Variants in HTR3B observed in about 807,000 individuals in gnomAD.
HTR3B encodes the protein 5-hydroxytryptamine receptor 3B.
Under a neutral mutation model 42.8 loss-of-function variants are expected in HTR3B, and 44 were observed. The ratio of observed to expected loss-of-function variants is 1.03; its 90% CI spans 0.81 to 1.32. The LOEUF (loss-of-function observed/expected upper bound fraction) is 1.32. HTR3B is among the 40% of genes most tolerant of loss of function. The probability of loss-of-function intolerance (pLI) is 0.00; values close to 1 mark genes in which losing one functional copy is unlikely to be tolerated. For synonymous variants in HTR3B, 203 were observed against 209.0 expected, an observed-to-expected ratio of 0.97 and a Z score of 0.25; for missense variants, 527 against 536.5, an observed-to-expected ratio of 0.98 and a Z score of 0.17.
intron 2 of HTR3B, 91 bp from the exon 3 acceptor site, chr11:113,931,293 A>T: frequency 1.1e-6 from 1 of 915,692 alleles, no homozygotes; most frequent in South Asian, 1.4e-5. Context: ...GTTAGATTTG[A>T]TTTTCTTCTT....
chr11:113,946,473 G>A lies in HTR3B; in HGVS notation c.*336G>A, dbSNP rs910474119. 1.8e-5 allele frequency: 3 copies of A among 169,928 alleles called. No homozygotes were observed. Among genetic ancestry groups the A allele is most frequent in the Non-Finnish European group, 3.8e-5 (3 of 78,398 alleles). 10.5% of individuals were successfully genotyped at this position (169,928 alleles called of 1,614,324 possible). On this transcript the variant is annotated 3_prime_UTR_variant, in exon 9 of 9. Coordinates refer to ENST00000260191, the MANE Select transcript of HTR3B (RefSeq NM_006028.5). ...GAGCCCAGGATTTCAAGGCTGCAGT[G>A]AGCCATGATTGCACCACTGCACCCC...
At chr11:113,903,626 C>T (rs1010949329), upstream of HTR3B, among the ~76,000 whole-genome samples, 5 of 151,838 alleles carry the variant, frequency 3.3e-5, no homozygotes, top group African/African-American at 9.7e-5. Context: ...ATGGGGCTCA[C>T]CATGTTGGTC....
chr11:113,936,102 T>C (rs1350277925), intron 6 of HTR3B, among the ~76,000 whole-genome samples: 1 of 152,016 alleles, frequency 6.6e-6, no homozygotes, highest in Non-Finnish European at 1.5e-5. Context: ...CCAGCAGCCA[T>C]GGGAGGGGAG....
intron 2 of HTR3B, among the ~76,000 whole-genome samples, chr11:113,928,941 C>A (rs1950004068): frequency 2.0e-5 from 3 of 152,068 alleles, no homozygotes; most frequent in Admixed American, 6.6e-5. Context: ...TTGATTCTAC[C>A]CCTTGGCTAT....
At chr11:113,930,525 G>A (rs1565563172) in intron 2 of HTR3B, among the ~76,000 whole-genome samples, 2 of 115,288 alleles carry the variant, frequency 1.7e-5, no homozygotes, top group Non-Finnish European at 3.3e-5. Flanking sequence ...GTCTCTCTCT[G>A]TCACCTAGGC....
intron 2 of HTR3B, among the ~76,000 whole-genome samples, chr11:113,913,074 C>T (rs1257034742): frequency 6.7e-6 from 1 of 149,714 alleles, no homozygotes; most frequent in Non-Finnish European, 1.5e-5. Flanking sequence ...AATGTTTATT[C>T]CCAGTCTGTG....
chr11:113,918,576 C>T (rs1165628248), intron 2 of HTR3B, among the ~76,000 whole-genome samples: 3 of 150,824 alleles, frequency 2.0e-5, no homozygotes, highest in Non-Finnish European at 4.4e-5. Context: ...TTGTTGTGAA[C>T]GCCAATAGTT....
intron 2 of HTR3B, among the ~76,000 whole-genome samples, chr11:113,929,697 G>A (rs972999915): frequency 5.3e-5 from 8 of 151,994 alleles, no homozygotes; most frequent in Admixed American, 4.6e-4. Context: ...ATCTACTTTA[G>A]AGAGATGTCT....
At chr11:113,907,126 A>G (rs1319453286) in intron 1 of HTR3B, among the ~76,000 whole-genome samples, 1 of 152,148 alleles carries the variant, frequency 6.6e-6, no homozygotes, top group Admixed American at 6.5e-5. Context: ...CCTCCTTTTC[A>G]ATCTCTCTTC....
At chr11:113,904,765 T>G (rs1949721648), upstream of HTR3B, 2 of 600,000 alleles carry the variant, frequency 3.3e-6, no homozygotes, top group Admixed American at 2.9e-5. Flanking sequence ...GTGCTGGTAT[T>G]GCCTTTGGTC....
chr11:113,916,759 G>C, intron 2 of HTR3B, among the ~76,000 whole-genome samples: 1 of 151,824 alleles, frequency 6.6e-6, no homozygotes, highest in East Asian at 1.9e-4. Context: ...CATACATTTG[G>C]TTAAATTTAT....
chr11:113,934,510 G>A (rs897734991), intron 6 of HTR3B, among the ~76,000 whole-genome samples: 1 of 152,184 alleles, frequency 6.6e-6, no homozygotes, highest in African/African-American at 2.4e-5. Flanking sequence ...GAGGTTACAG[G>A]TATCCCTTAA....
Position 113,931,270 on chromosome 11 carries a change from T to C in HTR3B, c.214-114T>C. ...AAGAGTCTAGGTAATGTTTTTAATATCAGCATTATTTGGTTAGATTTGATT... is the reference window on the plus strand; with the variant it reads ...AAGAGTCTAGGTAATGTTTTTAATACCAGCATTATTTGGTTAGATTTGATT... On this transcript the variant is annotated intron_variant, in intron 2 of 8. Coordinates refer to ENST00000260191, the MANE Select transcript of HTR3B (RefSeq NM_006028.5). The C allele has an allele frequency of 4.0e-6, 3 of 749,102 alleles. No individual in the cohort carries two copies. In the South Asian group the frequency reaches 4.8e-5, roughly 12 times the overall value. 46.4% of individuals were successfully genotyped at this position (749,102 alleles called of 1,614,324 possible). A position where few individuals can be genotyped will look rare whatever the true frequency, so the allele number is the denominator to read the frequency against.
chr11:113,905,109 A>C, intron 1 of HTR3B, 124 bp downstream of exon 1: 1 of 679,234 alleles, frequency 1.5e-6, no homozygotes, highest in Non-Finnish European at 2.5e-6. Context: ...CGTCTGTAAA[A>C]TGCCAGTCCT....
chr11:113,926,783 C>T (rs931660885), intron 2 of HTR3B, among the ~76,000 whole-genome samples: 3 of 152,168 alleles, frequency 2.0e-5, no homozygotes, highest in African/African-American at 7.2e-5. Flanking sequence ...CCTGCCTCAG[C>T]CTTCCAAAGT....
At chr11:113,913,755 T>C (rs1302573393) in intron 2 of HTR3B, among the ~76,000 whole-genome samples, 1 of 152,130 alleles carries the variant, frequency 6.6e-6, no homozygotes. Flanking sequence ...CCTCAGGTGA[T>C]CCACCTGCCT....
Position 113,946,888 on chromosome 11 carries a change from A to G in HTR3B, c.*751A>G, listed in dbSNP as rs1950184958. ...TTAAGTCCTAGGCATTATGTTAGGC[A>G]CACCAGAGAATACAAAATAAGTCAG... On this transcript the variant is annotated 3_prime_UTR_variant, in exon 9 of 9. Coordinates refer to ENST00000260191, the MANE Select transcript of HTR3B (RefSeq NM_006028.5). Among the ~76,000 whole-genome samples the G allele has an allele frequency of 6.6e-6, 1 of 152,204 alleles. No homozygotes were observed. Among genetic ancestry groups the G allele is most frequent in the Non-Finnish European group, 1.5e-5 (1 of 68,038 alleles).
chr11:113,909,066 C>T lies in HTR3B; in HGVS notation c.53-229C>T, dbSNP rs551934276. 126 of 579,144 alleles carry T rather than the reference C, an allele frequency of 2.2e-4. 1 individual carries two copies. The highest frequency in any genetic ancestry group is 1.8e-3 in the African/African-American group (98 of 53,266). The allele number at this position is 579,144 out of a possible 1,614,324, so 35.9% of individuals were successfully genotyped here. On this transcript the variant is annotated intron_variant, in intron 1 of 8. Transcript: ENST00000260191. ...TACAGTTTTCCAACCTTGGAGATGG[C>T]GTTGATTTACTTGTTTTTACAATGA...
rs1350115493 is a variant in HTR3B at position 113,925,641 on chromosome 11, C to A, written c.214-5743C>A. On this transcript the variant is annotated intron_variant, in intron 2 of 8. Transcript: ENST00000260191. The stretch of plus-strand genomic sequence containing the variant: ...GTTTCACCATGTTGGCCAGGCTGGT[C>A]TTACACATTTTATTTCCTATTTCTT... Among the ~76,000 whole-genome samples the A allele has an allele frequency of 2.0e-5, 3 of 152,010 alleles. No homozygotes were observed. In the East Asian group the frequency reaches 5.8e-4, roughly 29 times the overall value.
Sources: allele counts gnomAD v4.1 joint callset (sites outside exome capture counted in the v4.1 genomes callset), GRCh38; gene constraint gnomAD v4.1.1; transcripts MANE v1.5; gene names NCBI Gene and HGNC (gene_info 2026-07-23, HGNC 2026-07-21).